Variants in CD8B2 observed in about 807,000 individuals in gnomAD.
CD8B2 encodes the protein T-cell surface glycoprotein CD8 beta-2 chain.
Under a neutral mutation model 23.7 loss-of-function variants are expected in CD8B2, and 11 were observed. The observed-to-expected ratio is 0.46, with a 90% CI of 0.29 to 0.77. CD8B2 has a LOEUF of 0.77. Ranked by LOEUF, CD8B2 falls within the 30% of genes least tolerant of loss-of-function variation. The pLI is 0.09. For synonymous variants in CD8B2, 90 were observed against 109.3 expected (o/e 0.82, Z 1.10); for missense variants, 197 against 270.5 (o/e 0.73, Z 1.91).
intron 3 of CD8B2, among the ~76,000 whole-genome samples, chr2:106,502,021 C>T (rs1276138385): frequency 6.6e-6 from 1 of 151,932 alleles, no homozygotes; most frequent in Non-Finnish European, 1.5e-5. Flanking sequence ...GATGGCTGGA[C>T]ATGGTGGCTC....
intron 1 of CD8B2, among the ~76,000 whole-genome samples, chr2:106,487,700 T>A (rs1377161045): frequency 1.3e-5 from 2 of 151,850 alleles, no homozygotes; most frequent in Non-Finnish European, 2.9e-5. Flanking sequence ...CCACCTCCCC[T>A]CAAAAGCCTG....
intron 5 of CD8B2, 47 bp downstream of exon 5, chr2:106,504,372 G>T: frequency 1.9e-6 from 3 of 1,554,082 alleles, no homozygotes; most frequent in Non-Finnish European, 2.6e-6. Flanking sequence ...AGCCCCTGCT[G>T]CAGCTTGCAG....
intron 5 of CD8B2, among the ~76,000 whole-genome samples, chr2:106,538,509 T>C (rs1305020503): frequency 6.6e-6 from 1 of 152,082 alleles, no homozygotes; most frequent in African/African-American, 2.4e-5. Flanking sequence ...GTAATAAGGG[T>C]GACTGTGAAT....
intron 5 of CD8B2, among the ~76,000 whole-genome samples, chr2:106,524,962 C>T (rs1021777617): frequency 3.3e-5 from 5 of 152,188 alleles, no homozygotes; most frequent in Non-Finnish European, 7.3e-5. Context: ...CTCTCCTCAG[C>T]CAGTCTCCAG....
At chr2:106,541,795 G>T (rs190490141) in intron 5 of CD8B2, among the ~76,000 whole-genome samples, 1 of 152,260 alleles carries the variant, frequency 6.6e-6, no homozygotes, top group Non-Finnish European at 1.5e-5. Context: ...TAAAAAGTTG[G>T]AAAGTCACTG....
chr2:106,510,097 A>C lies in CD8B2; in HGVS notation c.*3157A>C, dbSNP rs903037787. 3.3e-5 allele frequency: 5 copies of C among 152,246 alleles called. No individual in the cohort carries two copies. Among genetic ancestry groups the C allele is most frequent in the African/African-American group, 1.2e-4 (5 of 41,468 alleles). 9.4% of individuals were successfully genotyped at this position (152,246 alleles called of 1,614,324 possible). A position where few individuals can be genotyped will look rare whatever the true frequency, so the allele number is the denominator to read the frequency against. ...AAAACATCTGTATAGATTATTCTTA[A>C]TACAATATATGGCGCAATACGTAGT... On this transcript the variant is annotated 3_prime_UTR_variant, in exon 6 of 6. Transcript: ENST00000643224.
chr2:106,490,745 C>T (rs1679178506), intron 1 of CD8B2, 129 bp from the exon 2 acceptor site: 1 of 1,488,984 alleles, frequency 6.7e-7, no homozygotes, highest in Non-Finnish European at 8.9e-7. Context: ...GCTCAACACA[C>T]TCCCTGGACC....
chr2:106,510,756 G>T lies in CD8B2; in HGVS notation c.*3816G>T, dbSNP rs890101689. 16 of 152,080 alleles carry T rather than the reference G, an allele frequency of 1.1e-4. No individual in the cohort carries two copies. The highest frequency in any genetic ancestry group is 9.8e-4 in the Admixed American group (15 of 15,280). The allele number at this position is 152,080 out of a possible 1,614,324, so 9.4% of individuals were successfully genotyped here. A position where few individuals can be genotyped will look rare whatever the true frequency, so the allele number is the denominator to read the frequency against. Reference sequence around the variant, plus strand: ...CAAAAATAAATTTTTTCTAAAAAAAGTTTCTTGTTTTTTTTTCTTCCCATA... The same window carrying T: ...CAAAAATAAATTTTTTCTAAAAAAATTTTCTTGTTTTTTTTTCTTCCCATA... On this transcript the variant is annotated 3_prime_UTR_variant, in exon 6 of 6. Coordinates refer to ENST00000643224, the MANE Select transcript of CD8B2 (RefSeq NM_001349727.2).
chr2:106,534,544 G>C (rs1680057125), intron 5 of CD8B2, among the ~76,000 whole-genome samples: 1 of 152,188 alleles, frequency 6.6e-6, no homozygotes, highest in Admixed American at 6.5e-5. Flanking sequence ...AACCTCAGGA[G>C]AGGGACTTGA....
chr2:106,513,842 C>T (rs1036716021), downstream of CD8B2, among the ~76,000 whole-genome samples: 2 of 152,116 alleles, frequency 1.3e-5, no homozygotes, highest in African/African-American at 4.8e-5. Context: ...TGGGCCAGGG[C>T]AGAAGATGGA....
At chr2:106,505,598 T>G (rs1468025213) in intron 5 of CD8B2, among the ~76,000 whole-genome samples, 1 of 152,220 alleles carries the variant, frequency 6.6e-6, no homozygotes, top group African/African-American at 2.4e-5. Context: ...CAAAATGTAT[T>G]TTTGAATACT....
intron 5 of CD8B2, among the ~76,000 whole-genome samples, chr2:106,505,281 A>G (rs1440066139): frequency 4.6e-5 from 7 of 152,164 alleles, no homozygotes; most frequent in Non-Finnish European, 8.8e-5. Context: ...TGGGGGAGCA[A>G]AAGTACACAA....
downstream of CD8B2, among the ~76,000 whole-genome samples, chr2:106,512,230 C>A (rs530675233): frequency 3.9e-5 from 6 of 152,182 alleles, no homozygotes; most frequent in South Asian, 1.2e-3. Context: ...CATGCACTAC[C>A]ACACCTGGCT....
chr2:106,533,813 A>G (rs1377483779), intron 5 of CD8B2, among the ~76,000 whole-genome samples: 1 of 152,190 alleles, frequency 6.6e-6, no homozygotes, highest in Non-Finnish European at 1.5e-5. Flanking sequence ...GAGCCACAGT[A>G]GGAGGGAGAA....
At chr2:106,493,882 T>C (rs1679245006) in intron 2 of CD8B2, among the ~76,000 whole-genome samples, 1 of 152,178 alleles carries the variant, frequency 6.6e-6, no homozygotes, top group African/African-American at 2.4e-5. Context: ...GGGACAACAG[T>C]GCCTGCCCCA....
intron 5 of CD8B2, among the ~76,000 whole-genome samples, chr2:106,535,997 A>G (rs993663456): frequency 6.6e-6 from 1 of 150,452 alleles, no homozygotes; most frequent in Non-Finnish European, 1.5e-5. Flanking sequence ...TGGCCAGAGT[A>G]GCAAGAGAGA....
chr2:106,505,864 C>T (rs1167470656), intron 5 of CD8B2, among the ~76,000 whole-genome samples: 1 of 152,188 alleles, frequency 6.6e-6, no homozygotes, highest in African/African-American at 2.4e-5. Flanking sequence ...GGTGCGGTGG[C>T]TCAAGCCTGT....
intron 5 of CD8B2, among the ~76,000 whole-genome samples, chr2:106,540,916 G>T (rs766995094): frequency 5.3e-5 from 8 of 152,176 alleles, no homozygotes; most frequent in Non-Finnish European, 1.2e-4. Flanking sequence ...GACAACTAGC[G>T]GGTGTCTTGA....
At position 106,529,234 on chromosome 2, in the gene CD8B2, A is replaced by G. The variant is rs1337078808; in HGVS notation, c.621-14758A>G. On this transcript the variant is annotated intron_variant, in intron 5 of 5. Coordinates refer to the CD8B2 transcript ENST00000416057. ...AACTGATAAATGGAGTAAATTTAATAGAAGTGGCCGCAGGAAAGACTCCAA... is the reference window on the plus strand; with the variant it reads ...AACTGATAAATGGAGTAAATTTAATGGAAGTGGCCGCAGGAAAGACTCCAA... 2.0e-5 allele frequency among the ~76,000 whole-genome samples: 3 copies of G among 152,242 alleles called. No individual in the cohort carries two copies. The East Asian group carries it at 5.8e-4, about 29-fold the overall frequency.
Sources: allele counts gnomAD v4.1 joint callset (sites outside exome capture counted in the v4.1 genomes callset), GRCh38; gene constraint gnomAD v4.1.1; transcripts MANE v1.5; gene names NCBI Gene and HGNC (gene_info 2026-07-23, HGNC 2026-07-21).